Variants in CENPT observed in about 807,000 individuals in gnomAD.
CENPT encodes the protein centromere protein T, also known as interphase centromere complex protein 22.
In CENPT, 42 loss-of-function variants were observed where a neutral mutation model predicts 59.7. The observed-to-expected ratio is 0.70, with a 90% CI of 0.55 to 0.91. The LOEUF (loss-of-function observed/expected upper bound fraction) is 0.91, where lower values mean the gene tolerates loss of function less well. Among genes scored for constraint, CENPT ranks in the 40% least tolerant of loss-of-function variants. CENPT has a pLI of 0.00. For synonymous variants in CENPT, 295 were observed against 289.6 expected, an observed-to-expected ratio of 1.02 and a Z score of -0.19; for missense variants, 716 against 713.4, an observed-to-expected ratio of 1.00 and a Z score of -0.04.
At chr16:67,830,216 C>T (rs999816481) in intron 11 of CENPT, 128 bp from the exon 12 acceptor site, 2 of 1,220,996 alleles carry the variant, frequency 1.6e-6, no homozygotes, top group African/African-American at 3.0e-5. Context: ...AGAGGCAGCA[C>T]CAGGACATGG....
In CENPT at chr16:67,842,456, G is replaced by C; in HGVS notation, c.-492+4945C>G. 1 of 996,002 alleles carries C rather than the reference G, an allele frequency of 1.0e-6. No homozygotes were observed. Among genetic ancestry groups the C allele is most frequent in the East Asian group, 3.6e-5 (1 of 27,578 alleles). The allele number at this position is 996,002 out of a possible 1,614,324, so 61.7% of individuals were successfully genotyped here. On this transcript the variant is annotated intron_variant, in intron 1 of 15. Coordinates refer to ENST00000562787, the MANE Select transcript of CENPT (RefSeq NM_025082.4). This position sits in a 1 kb window ranked among gnomAD's most constrained non-coding sequence, Gnocchi z 4.9. ...GTGGTGGGATACCACCCAAGGCCTC[G>C]CGCGGCGCCGCCCGTCGAGGGGCGG...
chr16:67,846,017 G>A (rs1239191792), intron 1 of CENPT, among the ~76,000 whole-genome samples: 1 of 152,172 alleles, frequency 6.6e-6, no homozygotes. Flanking sequence ...CCTTACCTGT[G>A]GTACCCCAAG....
Position 67,832,894 on chromosome 16 carries a change from G to A in CENPT, c.111-349C>T, listed in dbSNP as rs114594714. On this transcript the variant is annotated intron_variant, in intron 4 of 15. Transcript: ENST00000562787. ...AAAAGCATCCACCCCAGACATGAAA[G>A]TAACAATCCATGATGGATACTAAAG... Among the ~76,000 whole-genome samples the A allele has an allele frequency of 1.1e-3, 169 of 152,278 alleles. 1 individual carries two copies. Among genetic ancestry groups the A allele is most frequent in the African/African-American group, 4.1e-3 (169 of 41,546 alleles).
chr16:67,828,790 C>T lies in CENPT; in HGVS notation c.1334G>A (p.Arg445Gln), dbSNP rs375672651. The change falls in exon 14 of 16, where the codon CGG becomes CAG. Residue 445 changes from arginine (R) to glutamine (Q), a missense_variant. By Grantham distance (43) the Arg-to-Gln change is conservative. Transcript: ENST00000562787. Reference sequence around the variant, plus strand: ...TTGCCGGGGCCTGGGGCCGGTGGTCCGGGGCCTAGGGGGATGCCTGACCAA... The same window carrying T: ...TTGCCGGGGCCTGGGGCCGGTGGTCTGGGGCCTAGGGGGATGCCTGACCAA... ...PLLVRHPPRP[R>Q]TTGPRPRQDP... 104 of 1,607,124 alleles carry T rather than the reference C, an allele frequency of 6.5e-5. No homozygotes were observed. In the South Asian group the frequency reaches 8.7e-4, roughly 13 times the overall value.
rs779938843 is a variant in CENPT, at chr16:67,832,157, G to C, written c.290-49C>G. The C allele has an allele frequency of 3.1e-6, 5 of 1,608,066 alleles. No individual in the cohort carries two copies. In the Admixed American group the frequency reaches 8.3e-5, roughly 27 times the overall value. On this transcript the variant is annotated intron_variant, in intron 6 of 15. Transcript: ENST00000562787. ...TGGGGCTGACAGAACAGGCCACCCT[G>C]AATAAAAGATACCACAAGACTGGGG...
In CENPT at chr16:67,842,566, T is replaced by C. The variant is rs1174682205; in HGVS notation, c.-492+4835A>G. The C allele has an allele frequency of 2.0e-6, 3 of 1,534,140 alleles. No individual in the cohort carries two copies. The highest frequency in any genetic ancestry group is 2.6e-6 in the Non-Finnish European group (3 of 1,136,708). On this transcript the variant is annotated intron_variant, in intron 1 of 15. Coordinates refer to ENST00000562787, the MANE Select transcript of CENPT (RefSeq NM_025082.4). This position sits in a 1 kb window ranked among gnomAD's most constrained non-coding sequence, Gnocchi z 4.9. ...CGCGCGGCGCAGCCATGCCTGGCTTTACGTGCTGCGTGCCAGGCTGCTACA... is the reference window on the plus strand; with the variant it reads ...CGCGCGGCGCAGCCATGCCTGGCTTCACGTGCTGCGTGCCAGGCTGCTACA...
Position 67,842,605 on chromosome 16 carries a change from G to T in CENPT, c.-492+4796C>A. 6.5e-7 allele frequency: 1 copy of T among 1,550,096 alleles called. No homozygotes were observed. The highest frequency in any genetic ancestry group is 8.7e-7 in the Non-Finnish European group (1 of 1,146,366). The stretch of plus-strand genomic sequence containing the variant: ...CAGGCTGCTACAACAACTCGCACCG[G>T]GACAAGGCGCTGCACTTCTACACGT... On this transcript the variant is annotated intron_variant, in intron 1 of 15. Coordinates refer to ENST00000562787, the MANE Select transcript of CENPT (RefSeq NM_025082.4). The surrounding 1 kb of genome is among the most constrained non-coding windows in gnomAD (Gnocchi z 4.9).
intron 1 of CENPT, chr16:67,841,950 T>A (rs1283558571): frequency 2.0e-5 from 3 of 152,274 alleles, no homozygotes; most frequent in Non-Finnish European, 4.4e-5. Flanking sequence ...ACTCGATCTT[T>A]CCCTTAGGCG....
At chr16:67,836,100 C>T (rs1226566065) in intron 1 of CENPT, among the ~76,000 whole-genome samples, 2 of 151,286 alleles carry the variant, frequency 1.3e-5, no homozygotes, top group Admixed American at 6.6e-5. Context: ...CACTTTGTTG[C>T]CCGGGATGGA....
Position 67,831,278 on chromosome 16 carries a change from C to A in CENPT, c.641G>T (p.Arg214Leu). 6.2e-7 allele frequency: 1 copy of A among 1,614,162 alleles called. No homozygotes were observed. The highest frequency in any genetic ancestry group is 8.5e-7 in the Non-Finnish European group (1 of 1,180,010). The change falls in exon 10 of 16, where the codon CGC becomes CTC. Residue 214 changes from arginine to leucine, a missense_variant. Coordinates refer to ENST00000562787, the MANE Select transcript of CENPT (RefSeq NM_025082.4). ...AAAGGCACCCACGTCTACAGCTCGG[C>A]GGGCTGGAGGTCTGCGGGCCAAGCC... ...RPGLARRPPA[R>L]RAVDVGAFLR...
intron 3 of CENPT, 37 bp downstream of exon 3, chr16:67,835,135 C>T (rs2057726908): frequency 6.6e-6 from 1 of 152,120 alleles, no homozygotes; most frequent in Non-Finnish European, 1.5e-5. Flanking sequence ...GCCACTGCGC[C>T]CGGCCATTAA....
rs966360796 is a variant in CENPT at position 67,835,305 on chromosome 16, G to A, written c.-370-5C>T. 6.6e-6 allele frequency: 1 copy of A among 152,094 alleles called. No homozygotes were observed. Among genetic ancestry groups the A allele is most frequent in the African/African-American group, 2.4e-5 (1 of 41,398 alleles). The allele number at this position is 152,094 out of a possible 1,614,324, so 9.4% of individuals were successfully genotyped here. On this transcript the variant is annotated splice_polypyrimidine_tract_variant and splice_region_variant and intron_variant, in intron 2 of 15. Transcript: ENST00000562787. ...TTCACTTTCCCAGAATCTGCACTGA[G>A]ATCAAGTGTAAATTATCAGATACCT... is the stretch of plus-strand genomic sequence containing the variant.
chr16:67,843,266 C>T lies in CENPT; in HGVS notation c.-492+4135G>A, dbSNP rs953302157. 8.1e-6 allele frequency: 13 copies of T among 1,613,342 alleles called. No homozygotes were observed. The highest frequency in any genetic ancestry group is 1.1e-5 in the Non-Finnish European group (13 of 1,179,792). On this transcript the variant is annotated intron_variant, in intron 1 of 15. Coordinates refer to ENST00000562787, the MANE Select transcript of CENPT (RefSeq NM_025082.4). This position sits in a 1 kb window ranked among gnomAD's most constrained non-coding sequence, Gnocchi z 5.7. ...GGTGGTGGTAGGGGAAGAGGGCTTC[C>T]CTGATACTGGCTCCGACCATTCGTA...
chr16:67,845,566 A>C (rs1020131187), intron 1 of CENPT, among the ~76,000 whole-genome samples: 5 of 152,204 alleles, frequency 3.3e-5, no homozygotes, highest in Non-Finnish European at 5.9e-5. Flanking sequence ...CTTTTCCAGG[A>C]TCCAGCCATG....
chr16:67,844,572 G>A (rs1232916097), intron 1 of CENPT, among the ~76,000 whole-genome samples: 1 of 152,220 alleles, frequency 6.6e-6, no homozygotes, highest in Non-Finnish European at 1.5e-5. Context: ...CTTAGGCTTA[G>A]CACAGCCTCT....
chr16:67,831,932 A>G, intron 7 of CENPT, 42 bp from the exon 8 acceptor site: 1 of 1,597,076 alleles, frequency 6.3e-7, no homozygotes, highest in Non-Finnish European at 8.5e-7. Flanking sequence ...AGGAAGTCCA[A>G]TTCTGGCTTT....
intron 1 of CENPT, among the ~76,000 whole-genome samples, chr16:67,838,045 C>T (rs1478351690): frequency 6.6e-6 from 1 of 152,088 alleles, no homozygotes; most frequent in East Asian, 1.9e-4. Flanking sequence ...TTGCCTTTCT[C>T]CAGGGGTGAT....
Position 67,843,480 on chromosome 16 carries a change from G to T in CENPT, c.-492+3921C>A, listed in dbSNP as rs753260924. On this transcript the variant is annotated intron_variant, in intron 1 of 15. Coordinates refer to ENST00000562787, the MANE Select transcript of CENPT (RefSeq NM_025082.4). The surrounding 1 kb of genome is among the most constrained non-coding windows in gnomAD (Gnocchi z 5.7). Reference sequence around the variant, plus strand: ...CGGCTGCTTGCCATGGCTGTCATCCGCAAGAAGCACGGAATGTGAACTGGT... The same window carrying T: ...CGGCTGCTTGCCATGGCTGTCATCCTCAAGAAGCACGGAATGTGAACTGGT... The T allele has an allele frequency of 4.3e-6, 7 of 1,610,772 alleles. No individual in the cohort carries two copies. The highest frequency in any genetic ancestry group is 2.7e-5 in the African/African-American group (2 of 74,928).
intron 12 of CENPT, 88 bp from the exon 13 acceptor site, chr16:67,829,604 C>T: frequency 4.3e-6 from 6 of 1,385,680 alleles, no homozygotes; most frequent in Non-Finnish European, 6.0e-6. Context: ...TGTCCTGTTT[C>T]TGGTGGGCCC....
Sources: allele counts gnomAD v4.1 joint callset (sites outside exome capture counted in the v4.1 genomes callset), GRCh38; gene constraint gnomAD v4.1.1; non-coding constraint Gnocchi (gnomAD v3.1); transcripts MANE v1.5; gene names NCBI Gene and HGNC (gene_info 2026-07-23, HGNC 2026-07-21).